Variants in PDCD1LG2 observed in about 807,000 individuals in gnomAD.
PDCD1LG2 encodes the protein B7 dendritic cell molecule.
In PDCD1LG2, 32 loss-of-function variants were observed where a neutral mutation model predicts 28.2. That is an observed-to-expected ratio of 1.13 (90% CI 0.86 to 1.52). PDCD1LG2 has a LOEUF of 1.52. Ranked by LOEUF, PDCD1LG2 falls within the 40% of genes most tolerant of loss-of-function variation. The probability of loss-of-function intolerance (pLI) is 0.00; values close to 1 mark genes in which losing one functional copy is unlikely to be tolerated. For missense variants in PDCD1LG2, 385 were observed against 323.8 expected (o/e 1.19, Z -1.45); for synonymous variants, 116 against 120.2 (o/e 0.97, Z 0.23).
chr9:5,565,813 A>C (rs1056834922), intron 6 of PDCD1LG2, among the ~76,000 whole-genome samples: 7 of 152,176 alleles, frequency 4.6e-5, no homozygotes, highest in Non-Finnish European at 1.0e-4. Flanking sequence ...TATTAAAATA[A>C]ATTTTGTTTA....
At chr9:5,511,103 G>C (rs1168797203) in intron 1 of PDCD1LG2, among the ~76,000 whole-genome samples, 2 of 152,166 alleles carry the variant, frequency 1.3e-5, no homozygotes, top group African/African-American at 4.8e-5. Flanking sequence ...TCTCAGCTTA[G>C]AGTTTTCGGA....
rs531459299 is a variant in PDCD1LG2, at chr9:5,528,121, C to T, written c.55+5520C>T. On this transcript the variant is annotated intron_variant, in intron 2 of 6. Transcript: ENST00000397747. ...CTGGGATTACAGGCATGAGCCACCA[C>T]GCCCTGCTCTTTTCTTAAGTCATTC... Among the ~76,000 whole-genome samples, 134 of 151,696 alleles carry T rather than the reference C, an allele frequency of 8.8e-4. 1 individual carries two copies. The highest frequency in any genetic ancestry group is 1.8e-3 in the African/African-American group (76 of 41,438).
intron 5 of PDCD1LG2, among the ~76,000 whole-genome samples, chr9:5,561,814 C>T (rs977966823): frequency 2.6e-5 from 4 of 152,150 alleles, no homozygotes; most frequent in Non-Finnish European, 4.4e-5. Context: ...AAGATTGAGC[C>T]AGAATTTTAC....
rs547252188 is a variant in PDCD1LG2, at chr9:5,569,426, G to A, written c.817-528G>A. On this transcript the variant is annotated intron_variant, in intron 6 of 6. Transcript: ENST00000397747. This position sits in a 1 kb window ranked among gnomAD's most constrained non-coding sequence, Gnocchi z 4.1. ...CTATGGTCTTTAACAGAGGGACAAA[G>A]TCAACCCACAACTTGTCTGGGAGGT... Among the ~76,000 whole-genome samples, 1 of 152,244 alleles carries A rather than the reference G, an allele frequency of 6.6e-6. No individual in the cohort carries two copies. Among genetic ancestry groups the A allele is most frequent in the Admixed American group, 6.5e-5 (1 of 15,296 alleles).
rs1816472948 is a variant in PDCD1LG2 at position 5,557,665 on chromosome 9, A to G, written c.679A>G (p.Ile227Val). 3 of 1,613,848 alleles carry G rather than the reference A, an allele frequency of 1.9e-6. No homozygotes were observed. The highest frequency in any genetic ancestry group is 2.5e-6 in the Non-Finnish European group (3 of 1,179,760). The change falls in exon 5 of 7, where the codon ATC (isoleucine) becomes GTC (valine). Residue 227 changes from isoleucine (I) to valine (V), a missense_variant. Ile to Val is a conservative substitution (Grantham distance 29, BLOSUM62 3). Transcript: ENST00000397747. ...THPTWLLHIFIPFCIIAFIFI... is the reference protein window; with the variant it reads ...THPTWLLHIFVPFCIIAFIFI... Reference sequence around the variant, plus strand: ...TCCAACTTGGCTGCTTCACATTTTCATCCCCTTCTGCATCATTGCTTTCAT... The same window carrying G: ...TCCAACTTGGCTGCTTCACATTTTCGTCCCCTTCTGCATCATTGCTTTCAT...
intron 1 of PDCD1LG2, among the ~76,000 whole-genome samples, chr9:5,518,547 A>G (rs902566612): frequency 4.6e-5 from 7 of 152,234 alleles, no homozygotes; most frequent in Non-Finnish European, 1.0e-4. Flanking sequence ...CATCTGAATA[A>G]GGAAGGCTAT....
At chr9:5,568,751 C>T (rs1017814396) in intron 6 of PDCD1LG2, among the ~76,000 whole-genome samples, 1 of 152,196 alleles carries the variant, frequency 6.6e-6, no homozygotes, top group African/African-American at 2.4e-5. Flanking sequence ...GAGGAGAGTG[C>T]TATTAGCAAG....
intron 4 of PDCD1LG2, among the ~76,000 whole-genome samples, chr9:5,551,171 G>C (rs1816324398): frequency 6.6e-6 from 1 of 152,164 alleles, no homozygotes; most frequent in South Asian, 2.1e-4. Flanking sequence ...TTAGAATATG[G>C]ACATCTTTGG....
rs562921266 is a variant in PDCD1LG2, at chr9:5,558,696, A to G, written c.766+944A>G. On this transcript the variant is annotated intron_variant, in intron 5 of 6. Coordinates refer to ENST00000397747, the MANE Select transcript of PDCD1LG2 (RefSeq NM_025239.4). The stretch of plus-strand genomic sequence containing the variant: ...CTGCCATAAAATATTGTCATGTTCT[A>G]TTTGTCCATTGCCCTATGTGTGTAT... Among the ~76,000 whole-genome samples the G allele has an allele frequency of 1.4e-4, 21 of 152,346 alleles. 1 individual carries two copies. Among genetic ancestry groups the G allele is most frequent in the African/African-American group, 4.8e-4 (20 of 41,580 alleles).
At chr9:5,553,258 T>C (rs1816373434) in intron 4 of PDCD1LG2, among the ~76,000 whole-genome samples, 2 of 152,250 alleles carry the variant, frequency 1.3e-5, no homozygotes, top group African/African-American at 4.8e-5. Context: ...CCTCTCTTTA[T>C]ATCATGGTTG....
intron 1 of PDCD1LG2, among the ~76,000 whole-genome samples, chr9:5,511,940 G>T (rs75658849): frequency 6.6e-6 from 1 of 152,166 alleles, no homozygotes; most frequent in Non-Finnish European, 1.5e-5. Flanking sequence ...ACACATAGGT[G>T]CTTAGTGGGT....
intron 4 of PDCD1LG2, among the ~76,000 whole-genome samples, chr9:5,553,718 C>A (rs756699049): frequency 1.3e-5 from 2 of 152,114 alleles, no homozygotes; most frequent in Non-Finnish European, 2.9e-5. Context: ...ATGGGAGAGA[C>A]CTGTGGGGTC....
At chr9:5,531,211 A>C (rs1421863576) in intron 2 of PDCD1LG2, among the ~76,000 whole-genome samples, 1 of 152,226 alleles carries the variant, frequency 6.6e-6, no homozygotes, top group African/African-American at 2.4e-5. Context: ...TCTAATTTGC[A>C]GCTGGGCTTG....
At chr9:5,563,109 CCAAA>C (rs1225678669) in intron 5 of PDCD1LG2, 49 bp from the exon 6 acceptor site, 8 of 1,378,292 alleles carry the variant, frequency 5.8e-6, no homozygotes, top group Non-Finnish European at 8.2e-6. Context: ...AATCTATAAG[CCAAA>C]CAGTTTTCTC....
At chr9:5,513,063 A>G (rs1202406772) in intron 1 of PDCD1LG2, among the ~76,000 whole-genome samples, 1 of 151,912 alleles carries the variant, frequency 6.6e-6, no homozygotes, top group Non-Finnish European at 1.5e-5. Flanking sequence ...CCCACCCTCA[A>G]TTCTATACTC....
At position 5,549,231 on chromosome 9, in the gene PDCD1LG2, A is replaced by C. The variant is rs1816273784; in HGVS notation, c.362-104A>C. 3.8e-6 allele frequency: 4 copies of C among 1,066,536 alleles called. No individual in the cohort carries two copies. The South Asian group carries it at 6.2e-5, about 17-fold the overall frequency. 66.1% of individuals were successfully genotyped at this position (1,066,536 alleles called of 1,614,324 possible). A position where few individuals can be genotyped will look rare whatever the true frequency, so the allele number is the denominator to read the frequency against. On this transcript the variant is annotated intron_variant, in intron 3 of 6. Transcript: ENST00000397747. ...TTACAAATGATAACCATTATTACTT[A>C]ATATTGATAGTGATAATTTTATTCA...
intron 3 of PDCD1LG2, among the ~76,000 whole-genome samples, chr9:5,536,698 C>T (rs1820586487): frequency 6.6e-6 from 1 of 152,212 alleles, no homozygotes. Flanking sequence ...TTACCTAGAT[C>T]AGGGATTTCT....
rs73641639 is a variant in PDCD1LG2 at position 5,560,635 on chromosome 9, C to T, written c.767-2527C>T. 5.3e-3 allele frequency among the ~76,000 whole-genome samples: 800 copies of T among 152,300 alleles called. 7 individuals carry two copies. The highest frequency in any genetic ancestry group is 0.019 in the African/African-American group (770 of 41,536). ...TTCCCTTCTAGGCCCTCATGTTGAG[C>T]CTGGGACGCCAGTCCTAACTTCCTT... is the stretch of plus-strand genomic sequence containing the variant. On this transcript the variant is annotated intron_variant, in intron 5 of 6. Transcript: ENST00000397747.
At chr9:5,562,583 A>G (rs1445412310) in intron 5 of PDCD1LG2, among the ~76,000 whole-genome samples, 4 of 152,144 alleles carry the variant, frequency 2.6e-5, no homozygotes, top group Non-Finnish European at 5.9e-5. Flanking sequence ...TTCAGACTTC[A>G]CCAGTATACA....
Sources: allele counts gnomAD v4.1 joint callset (sites outside exome capture counted in the v4.1 genomes callset), GRCh38; gene constraint gnomAD v4.1.1; non-coding constraint Gnocchi (gnomAD v3.1); transcripts MANE v1.5; gene names NCBI Gene and HGNC (gene_info 2026-07-23, HGNC 2026-07-21).